TENM4: variants seen among roughly 807,000 people sequenced by gnomAD.
The protein encoded by TENM4 is teneurin-4.
In TENM4, 82 loss-of-function variants were observed where a neutral mutation model predicts 243.3. The observed-to-expected ratio is 0.34, with a 90% CI of 0.28 to 0.40. TENM4 has a LOEUF of 0.40. TENM4 is among the 10% of genes least tolerant of loss of function. TENM4 has a pLI of 1.00. For synonymous variants in TENM4, 1,412 were observed against 1,456.3 expected (o/e 0.97, Z 0.69); for missense variants, 3,138 against 3,673.3 (o/e 0.85, Z 3.77).
intron 27 of TENM4, among the ~76,000 whole-genome samples, chr11:78,704,005 C>CCACA (rs146417954): frequency 0.051 from 6,800 of 132,614 alleles, 230 homozygotes; most frequent in African/African-American, 0.1. Flanking sequence ...GCATGTGCCA[C>CCACA]CACACACACA....
intron 6 of TENM4, among the ~76,000 whole-genome samples, chr11:78,933,035 T>A (rs983867309): frequency 6.6e-6 from 1 of 152,170 alleles, no homozygotes; most frequent in East Asian, 1.9e-4. Context: ...GAGATTGATG[T>A]ACCCTGGAGG....
intron 2 of TENM4, among the ~76,000 whole-genome samples, chr11:79,234,073 A>G (rs1469283734): frequency 6.6e-6 from 1 of 152,204 alleles, no homozygotes; most frequent in African/African-American, 2.4e-5. Flanking sequence ...TCAACAGCCA[A>G]GTAGACTTGG....
chr11:79,395,643 T>A (rs564329), intron 1 of TENM4, among the ~76,000 whole-genome samples: 3,226 of 152,258 alleles, frequency 0.021, 56 homozygotes, highest in Non-Finnish European at 0.033. Flanking sequence ...AGGTATAGCA[T>A]CAGGTCCTAC....
chr11:78,777,063 C>G (rs1405632104), intron 17 of TENM4, among the ~76,000 whole-genome samples: 2 of 152,006 alleles, frequency 1.3e-5, no homozygotes, highest in Non-Finnish European at 2.9e-5. Flanking sequence ...AAAAAAATCA[C>G]ATGACTCACC....
chr11:79,164,011 T>C (rs1280349655), intron 3 of TENM4, among the ~76,000 whole-genome samples: 2 of 31,636 alleles, frequency 6.3e-5, no homozygotes, highest in Admixed American at 3.2e-4. Context: ...TAGTATATAG[T>C]ATATATATAG....
chr11:78,848,207 C>T (rs1440470965), intron 12 of TENM4, among the ~76,000 whole-genome samples: 1 of 151,634 alleles, frequency 6.6e-6, no homozygotes, highest in African/African-American at 2.4e-5. Flanking sequence ...CCTCCCTTGA[C>T]CACATAAATT....
At chr11:79,346,939 G>T (rs1857335706) in intron 1 of TENM4, among the ~76,000 whole-genome samples, 1 of 152,100 alleles carries the variant, frequency 6.6e-6, no homozygotes, top group South Asian at 2.1e-4. Flanking sequence ...ATGGTTCGGG[G>T]TTTCTCTCCT....
chr11:78,846,567 G>T (rs577796762), intron 12 of TENM4, among the ~76,000 whole-genome samples: 15 of 152,326 alleles, frequency 9.8e-5, no homozygotes, highest in African/African-American at 3.6e-4. Context: ...CATGCAAGGT[G>T]CTTCGAGGCA....
chr11:79,237,230 C>T (rs1864493694), intron 2 of TENM4, among the ~76,000 whole-genome samples: 1 of 152,148 alleles, frequency 6.6e-6, no homozygotes, highest in Non-Finnish European at 1.5e-5. Flanking sequence ...ATACATTGCG[C>T]CTTAAAGACC....
At chr11:78,873,199 T>A (rs1859181518) in intron 9 of TENM4, among the ~76,000 whole-genome samples, 1 of 152,176 alleles carries the variant, frequency 6.6e-6, no homozygotes, top group African/African-American at 2.4e-5. Context: ...AAGGCACTCA[T>A]ATGTGAGTTA....
At chr11:79,136,061 T>C (rs1862104689) in intron 4 of TENM4, among the ~76,000 whole-genome samples, 1 of 151,802 alleles carries the variant, frequency 6.6e-6, no homozygotes, top group Non-Finnish European at 1.5e-5. Context: ...GGGCAAGGGA[T>C]AAAAGGCTAC....
rs576260105 is a variant in TENM4, at chr11:78,757,272, G to A, written c.2540-251C>T. Among the ~76,000 whole-genome samples the A allele has an allele frequency of 3.9e-5, 6 of 152,246 alleles. No individual in the cohort carries two copies. In the South Asian group the frequency reaches 1.2e-3, roughly 32 times the overall value. Reference sequence around the variant, plus strand: ...TGTACTGTATGTTTTTCCTTCCATCGAGAATAGAAGAGATTGTATGTATGA... The same window carrying A: ...TGTACTGTATGTTTTTCCTTCCATCAAGAATAGAAGAGATTGTATGTATGA... On this transcript the variant is annotated intron_variant, in intron 18 of 33. Transcript: ENST00000278550.
chr11:79,335,188 T>C (rs550827066), intron 1 of TENM4, among the ~76,000 whole-genome samples: 2 of 152,300 alleles, frequency 1.3e-5, no homozygotes, highest in South Asian at 2.1e-4. Context: ...GTGTATGGCA[T>C]AGTTCCAGGT....
chr11:78,721,407 C>T (rs74844552), intron 24 of TENM4, among the ~76,000 whole-genome samples: 25 of 152,334 alleles, frequency 1.6e-4, no homozygotes, highest in Non-Finnish European at 2.5e-4. Context: ...TCCTTTCACG[C>T]GTGCGCCTTA....
Position 78,657,027 on chromosome 11 carries a change from G to C in TENM4, c.*1031C>G. ...GAGTGGTGGAGGGAAGATACTCAAA[G>C]TCATAGAGAGAGGGCTTTGCCTCGG... On this transcript the variant is annotated 3_prime_UTR_variant, in exon 34 of 34. Transcript: ENST00000278550. The C allele has an allele frequency of 2.5e-6, 1 of 398,640 alleles. No homozygotes were observed. Among genetic ancestry groups the C allele is most frequent in the East Asian group, 3.6e-5 (1 of 28,070 alleles). 24.7% of individuals were successfully genotyped at this position (398,640 alleles called of 1,614,324 possible). A position where few individuals can be genotyped will look rare whatever the true frequency, so the allele number is the denominator to read the frequency against.
At chr11:79,162,254 T>C (rs1349981561) in intron 3 of TENM4, among the ~76,000 whole-genome samples, 3 of 152,212 alleles carry the variant, frequency 2.0e-5, no homozygotes, top group Non-Finnish European at 4.4e-5. Flanking sequence ...AGTCTTCCAG[T>C]TACTAGTTCT....
intron 6 of TENM4, among the ~76,000 whole-genome samples, chr11:78,939,756 G>A (rs1031900019): frequency 6.6e-6 from 1 of 152,106 alleles, no homozygotes; most frequent in Admixed American, 6.5e-5. Context: ...AAATGTGTAG[G>A]TATAATCACT....
At chr11:79,422,040 G>A (rs1018984027) in intron 1 of TENM4, 2 of 152,656 alleles carry the variant, frequency 1.3e-5, no homozygotes, top group African/African-American at 2.4e-5. Context: ...TCCTGCTAGG[G>A]CTGCAACAAT....
At chr11:78,877,394 C>A (rs978180110) in intron 9 of TENM4, among the ~76,000 whole-genome samples, 1 of 152,212 alleles carries the variant, frequency 6.6e-6, no homozygotes, top group Non-Finnish European at 1.5e-5. Context: ...TTACTCAGTG[C>A]AAGAATAGCC....
Sources: gnomAD v4.1 joint callset for allele counts (sites outside exome capture counted in the v4.1 genomes callset) on GRCh38, gnomAD v4.1.1 for gene constraint, MANE v1.5 for transcripts, NCBI Gene and HGNC (gene_info 2026-07-23, HGNC 2026-07-21) for gene names.